The following STK32C variants were observed in gnomAD, a reference collection of about 807,000 sequenced individuals.
The protein encoded by STK32C is serine/threonine-protein kinase 32C.
Under a neutral mutation model 56.5 loss-of-function variants are expected in STK32C, and 31 were observed. The ratio of observed to expected loss-of-function variants is 0.55; its 90% confidence interval spans 0.41 to 0.74. The LOEUF is 0.74. Ranked by LOEUF, STK32C falls within the 30% of genes least tolerant of loss-of-function variation. The probability of loss-of-function intolerance (pLI) is 0.00; values close to 1 mark genes in which losing one functional copy is unlikely to be tolerated. For synonymous variants in STK32C, 309 were observed against 289.4 expected, an observed-to-expected ratio of 1.07 and a Z score of -0.69; for missense variants, 544 against 676.9, an observed-to-expected ratio of 0.80 and a Z score of 2.18.
chr10:132,311,814 G>A (rs2066228078), upstream of STK32C, among the ~76,000 whole-genome samples: 1 of 152,176 alleles, frequency 6.6e-6, no homozygotes, highest in Non-Finnish European at 1.5e-5. The surrounding 1 kb of genome is among the most constrained non-coding windows in gnomAD (Gnocchi z 4.4). Flanking sequence ...ATCATCTTGA[G>A]ATCCTTAACT....
intron 1 of STK32C, among the ~76,000 whole-genome samples, chr10:132,302,184 T>C (rs556239269): frequency 6.6e-6 from 1 of 152,322 alleles, no homozygotes; most frequent in African/African-American, 2.4e-5. Flanking sequence ...GTCTCTGGGC[T>C]TCACCCGCAG....
At chr10:132,312,568 A>G (rs2066241981), upstream of STK32C, among the ~76,000 whole-genome samples, 2 of 152,206 alleles carry the variant, frequency 1.3e-5, no homozygotes, top group Admixed American at 6.5e-5. Context: ...AGGAATAAAA[A>G]GAGTCATCGG....
chr10:132,287,696 A>G (rs36102677), intron 1 of STK32C, among the ~76,000 whole-genome samples: 150,047 of 151,826 alleles, frequency 0.99, 74,152 homozygotes, highest in African/African-American at 1. Context: ...CAGGTGATCC[A>G]CCTGCCTCAG....
At chr10:132,248,019 C>T (rs965463285) in intron 1 of STK32C, among the ~76,000 whole-genome samples, 1 of 152,164 alleles carries the variant, frequency 6.6e-6, no homozygotes, top group Non-Finnish European at 1.5e-5. Context: ...CACGAGCCCC[C>T]GTTCCAGGCG....
rs188890249 is a variant in STK32C, at chr10:132,232,580, G to A, written c.319-4452C>T. ...ACTCAAACGCTTCCTCCAGGAAACT[G>A]GTCCCTGCTTTCCCAGCCGCTTCCT... On this transcript the variant is annotated intron_variant, in intron 2 of 11. Transcript: ENST00000298630. Among the ~76,000 whole-genome samples, 128 of 152,258 alleles carry A rather than the reference G, an allele frequency of 8.4e-4. 1 individual carries two copies. Among genetic ancestry groups the A allele is most frequent in the Middle Eastern group, 6.8e-3 (2 of 294 alleles).
At chr10:132,219,282 T>C (rs1031420218) in intron 10 of STK32C, among the ~76,000 whole-genome samples, 1 of 152,184 alleles carries the variant, frequency 6.6e-6, no homozygotes, top group African/African-American at 2.4e-5. Flanking sequence ...ACTTTTTTTT[T>C]GGAGTGATGC....
intron 1 of STK32C, among the ~76,000 whole-genome samples, chr10:132,256,689 C>T (rs1169099469): frequency 6.6e-6 from 1 of 152,162 alleles, no homozygotes; most frequent in African/African-American, 2.4e-5. Flanking sequence ...GGCCCGGCCC[C>T]ACCCACCCCT....
chr10:132,228,306 A>C, intron 2 of STK32C, 178 bp from the exon 3 acceptor site: 1 of 692,212 alleles, frequency 1.4e-6, no homozygotes, highest in Non-Finnish European at 2.5e-6. Context: ...TCTGCCACAT[A>C]TGGTAACATA....
chr10:132,258,519 C>G (rs370326605), intron 1 of STK32C, among the ~76,000 whole-genome samples: 13 of 152,340 alleles, frequency 8.5e-5, no homozygotes, highest in African/African-American at 3.1e-4. Flanking sequence ...CCTAGGCCAG[C>G]GCGTTCTCCT....
chr10:132,331,942 C>T (rs1350419544), upstream of STK32C: 9 of 582,532 alleles, frequency 1.5e-5, no homozygotes, highest in Middle Eastern at 4.6e-4. Context: ...CGCAACCCCC[C>T]GCCCCAGCGC....
At position 132,226,820 on chromosome 10, in the gene STK32C, G is replaced by A; in HGVS notation, c.619C>T (p.Leu207=). 1 of 1,613,134 alleles carries A rather than the reference G, an allele frequency of 6.2e-7. No individual in the cohort carries two copies. Among genetic ancestry groups the A allele is most frequent in the Non-Finnish European group, 8.5e-7 (1 of 1,180,012 alleles). The change falls in exon 4 of 12, where the codon CTG becomes TTG. Residue 207 remains leucine, a synonymous_variant. Coordinates refer to ENST00000298630, the MANE Select transcript of STK32C (RefSeq NM_173575.4). ...CTGTGGATGATGTGCTGGCCGCGCA[G>A]GTAGTCCAGAGCCAGTGCCATCTCG... ...ICEMALALDY[L]RGQHIIHRDV...
chr10:132,209,164 C>G, intron 10 of STK32C, 63 bp from the exon 11 acceptor site: 1 of 1,478,258 alleles, frequency 6.8e-7, no homozygotes, highest in South Asian at 1.1e-5. Context: ...CATGTCCCCT[C>G]AAGTGAGTGT....
upstream of STK32C, among the ~76,000 whole-genome samples, chr10:132,312,833 A>G (rs1447056724): frequency 6.6e-6 from 1 of 152,188 alleles, no homozygotes; most frequent in Non-Finnish European, 1.5e-5. Flanking sequence ...TGAGGTCAGG[A>G]GTTCGAGACC....
At chr10:132,296,917 G>A (rs997011290) in intron 1 of STK32C, among the ~76,000 whole-genome samples, 2 of 152,242 alleles carry the variant, frequency 1.3e-5, no homozygotes, top group Admixed American at 1.3e-4. Context: ...GAGTGTCAGG[G>A]CCAGTGGGGA....
chr10:132,311,806 C>A (rs2066227750), upstream of STK32C, among the ~76,000 whole-genome samples: 1 of 152,184 alleles, frequency 6.6e-6, no homozygotes, highest in African/African-American at 2.4e-5. This position sits in a 1 kb window ranked among gnomAD's most constrained non-coding sequence, Gnocchi z 4.4. Flanking sequence ...AGGATGATAT[C>A]ATCTTGAGAT....
At chr10:132,293,234 T>G (rs1201905104) in intron 1 of STK32C, among the ~76,000 whole-genome samples, 1 of 151,986 alleles carries the variant, frequency 6.6e-6, no homozygotes, top group Non-Finnish European at 1.5e-5. Flanking sequence ...CCATCGCTAC[T>G]CTCACGGTCC....
chr10:132,319,419 A>G (rs551130456), downstream of STK32C, among the ~76,000 whole-genome samples: 5 of 152,246 alleles, frequency 3.3e-5, no homozygotes, highest in Non-Finnish European at 7.3e-5. Flanking sequence ...CCCAAACTGT[A>G]GATAGTCCAA....
At chr10:132,276,027 G>C (rs866040464) in intron 1 of STK32C, among the ~76,000 whole-genome samples, 12 of 152,144 alleles carry the variant, frequency 7.9e-5, no homozygotes, top group African/African-American at 2.7e-4. Context: ...CCCCCAAGCC[G>C]CCACACCACC....
chr10:132,291,655 G>A (rs1938689552), intron 1 of STK32C, among the ~76,000 whole-genome samples: 1 of 152,180 alleles, frequency 6.6e-6, no homozygotes, highest in Non-Finnish European at 1.5e-5. Context: ...ACTCCTGTAT[G>A]AACGCTGAGG....
Sources: gnomAD v4.1 joint callset for allele counts (sites outside exome capture counted in the v4.1 genomes callset) on GRCh38, gnomAD v4.1.1 for gene constraint, Gnocchi (gnomAD v3.1) non-coding constraint, MANE v1.5 for transcripts, NCBI Gene and HGNC (gene_info 2026-07-23, HGNC 2026-07-21) for gene names.